Variants in PBX3 observed in about 807,000 individuals in gnomAD.
PBX3 encodes pre-B-cell leukemia transcription factor 3.
Under a neutral mutation model 48.5 loss-of-function variants are expected in PBX3, and 14 were observed. The ratio of observed to expected loss-of-function variants is 0.29; its 90% CI spans 0.19 to 0.45. PBX3 has a LOEUF of 0.45. Ranked by LOEUF, PBX3 falls within the 20% of genes least tolerant of loss-of-function variation. PBX3 has a pLI of 1.00. For missense variants in PBX3, 386 were observed against 546.7 expected, an observed-to-expected ratio of 0.71 and a Z score of 2.93; for synonymous variants, 210 against 200.3, an observed-to-expected ratio of 1.05 and a Z score of -0.41.
chr9:125,885,158 T>A (rs778836868), intron 2 of PBX3, among the ~76,000 whole-genome samples: 1 of 152,132 alleles, frequency 6.6e-6, no homozygotes, highest in African/African-American at 2.4e-5. Context: ...AAAGGATGCA[T>A]TTGTCAGATA....
chr9:125,900,589 G>C (rs192422864), intron 2 of PBX3, among the ~76,000 whole-genome samples: 1 of 151,842 alleles, frequency 6.6e-6, no homozygotes, highest in African/African-American at 2.4e-5. Flanking sequence ...CTGACGTTCA[G>C]CTCATTCACA....
chr9:125,865,990 C>CTTTT (rs200362144), intron 2 of PBX3, among the ~76,000 whole-genome samples: 6 of 140,552 alleles, frequency 4.3e-5, no homozygotes, highest in African/African-American at 1.6e-4. Flanking sequence ...AAGAAAATAG[C>CTTTT]TTTTTTTTTT....
chr9:125,759,758 G>A lies in PBX3; in HGVS notation c.274+11135G>A, dbSNP rs552462300. ...TAAGTTATGCAAATGAGCTTTTATG[G>A]CAACTGGCATAACAATTAGCATCCT... On this transcript the variant is annotated intron_variant, in intron 2 of 8. Coordinates refer to ENST00000373489, the MANE Select transcript of PBX3 (RefSeq NM_006195.6). The surrounding 1 kb of genome is among the most constrained non-coding windows in gnomAD (Gnocchi z 4.2). Among the ~76,000 whole-genome samples, 12 of 152,172 alleles carry A rather than the reference G, an allele frequency of 7.9e-5. No individual in the cohort carries two copies. The highest frequency in any genetic ancestry group is 1.6e-4 in the Non-Finnish European group (11 of 68,028).
chr9:125,860,402 G>C (rs1403837017), intron 2 of PBX3, among the ~76,000 whole-genome samples: 2 of 152,190 alleles, frequency 1.3e-5, no homozygotes, highest in East Asian at 3.8e-4. Flanking sequence ...TGGTATGAAT[G>C]ACAATCACAA....
chr9:125,811,830 T>C (rs1432636011), intron 2 of PBX3, among the ~76,000 whole-genome samples: 5 of 152,164 alleles, frequency 3.3e-5, no homozygotes, highest in Admixed American at 2.6e-4. Flanking sequence ...TCATGGGGGC[T>C]CTGTCCTCAT....
At chr9:125,904,941 A>T (rs1426755273) in intron 2 of PBX3, among the ~76,000 whole-genome samples, 1 of 151,940 alleles carries the variant, frequency 6.6e-6, no homozygotes, top group Non-Finnish European at 1.5e-5. Flanking sequence ...CCTTTTTGTT[A>T]GCTCAAATCA....
At chr9:125,804,092 G>GT (rs1838048534) in intron 2 of PBX3, among the ~76,000 whole-genome samples, 1 of 152,174 alleles carries the variant, frequency 6.6e-6, no homozygotes, top group Non-Finnish European at 1.5e-5. Flanking sequence ...TTTCATGTCA[G>GT]TAGCCTACTC....
At chr9:125,918,133 G>C (rs539602556) in intron 3 of PBX3, among the ~76,000 whole-genome samples, 1 of 151,436 alleles carries the variant, frequency 6.6e-6, no homozygotes, top group Non-Finnish European at 1.5e-5. Flanking sequence ...AATATTAGAG[G>C]CCAAATGGCC....
At chr9:125,874,573 C>G (rs1386331260) in intron 2 of PBX3, among the ~76,000 whole-genome samples, 2 of 152,082 alleles carry the variant, frequency 1.3e-5, no homozygotes, top group African/African-American at 4.8e-5. Context: ...TCAGCTTGAC[C>G]TAATTGACAA....
chr9:125,860,884 C>CAA (rs58796485), intron 2 of PBX3, among the ~76,000 whole-genome samples: 4 of 99,104 alleles, frequency 4.0e-5, no homozygotes, highest in African/African-American at 1.2e-4. Flanking sequence ...AAGACTCTGT[C>CAA]AAAAAAAAAA....
chr9:125,941,914 A>G (rs989832749), intron 5 of PBX3, among the ~76,000 whole-genome samples: 7 of 152,220 alleles, frequency 4.6e-5, no homozygotes, highest in African/African-American at 1.7e-4. Context: ...TTTCTCTGCT[A>G]GGTGTTTTTA....
chr9:125,858,787 G>A (rs1468750830), intron 2 of PBX3, among the ~76,000 whole-genome samples: 5 of 151,760 alleles, frequency 3.3e-5, no homozygotes, highest in African/African-American at 1.2e-4. Context: ...CACCATGCCC[G>A]GCTAATTTTT....
At chr9:125,934,295 A>G (rs991445645) in intron 4 of PBX3, among the ~76,000 whole-genome samples, 4 of 152,206 alleles carry the variant, frequency 2.6e-5, no homozygotes, top group African/African-American at 7.2e-5. Flanking sequence ...GAAGAATCTC[A>G]TAGAGTGCAT....
chr9:125,752,567 T>C (rs1206740379), intron 2 of PBX3, among the ~76,000 whole-genome samples: 1 of 150,530 alleles, frequency 6.6e-6, no homozygotes, highest in East Asian at 1.9e-4. Context: ...AAGGCAGTAC[T>C]GTCATTCGAC....
chr9:125,754,174 T>G (rs1466758237), intron 2 of PBX3, among the ~76,000 whole-genome samples: 2 of 152,142 alleles, frequency 1.3e-5, no homozygotes, highest in Non-Finnish European at 2.9e-5. Flanking sequence ...TGAACATCTT[T>G]AGATATTTAT....
chr9:125,795,969 A>G (rs1306723964), intron 2 of PBX3, among the ~76,000 whole-genome samples: 1 of 152,182 alleles, frequency 6.6e-6, no homozygotes, highest in African/African-American at 2.4e-5. Context: ...GTAAGAGACT[A>G]AGAGTCCTCT....
chr9:125,945,602 G>C (rs763631821), intron 5 of PBX3, among the ~76,000 whole-genome samples: 1 of 152,138 alleles, frequency 6.6e-6, no homozygotes, highest in Non-Finnish European at 1.5e-5. Context: ...GGCCAGAACT[G>C]CTATCTTATT....
At chr9:125,867,227 T>TA (rs548105913) in intron 2 of PBX3, among the ~76,000 whole-genome samples, 71 of 146,678 alleles carry the variant, frequency 4.8e-4, no homozygotes, top group South Asian at 2.2e-3. Context: ...CCTGAAGTAT[T>TA]AAAAAAAAAA....
At chr9:125,839,551 TAA>T (rs1240736851) in intron 2 of PBX3, among the ~76,000 whole-genome samples, 3 of 152,158 alleles carry the variant, frequency 2.0e-5, no homozygotes, top group Non-Finnish European at 4.4e-5. Context: ...TTCTTCACAA[TAA>T]AAGTTAGCAA....
Sources: allele counts gnomAD v4.1 joint callset (sites outside exome capture counted in the v4.1 genomes callset), GRCh38; gene constraint gnomAD v4.1.1; non-coding constraint Gnocchi (gnomAD v3.1); transcripts MANE v1.5; gene names NCBI Gene and HGNC (gene_info 2026-07-23, HGNC 2026-07-21).